CCDC187: variants seen among roughly 807,000 people sequenced by gnomAD.
CCDC187 encodes the protein coiled-coil domain containing 187.
CCDC187 carries 32 observed loss-of-function variants against 38.0 expected under a neutral mutation model. The observed-to-expected ratio is 0.84, with a 90% CI of 0.64 to 1.13. The LOEUF (loss-of-function observed/expected upper bound fraction) is 1.13. Among genes scored for constraint, CCDC187 ranks in the 50% most tolerant of loss-of-function variants. The probability of loss-of-function intolerance (pLI) is 0.00; values close to 1 mark genes in which losing one functional copy is unlikely to be tolerated. For missense variants in CCDC187, 707 were observed against 786.8 expected (o/e 0.90, Z 1.21); for synonymous variants, 333 against 347.9 (o/e 0.96, Z 0.48).
Position 136,267,810 on chromosome 9 carries a change from T to G in CCDC187, c.3519+239A>C, listed in dbSNP as rs988370014. 30 of 974,256 alleles carry G rather than the reference T, an allele frequency of 3.1e-5. No individual in the cohort carries two copies. In the African/African-American group the frequency reaches 4.2e-4, roughly 14 times the overall value. The allele number at this position is 974,256 out of a possible 1,614,324, so 60.4% of individuals were successfully genotyped here. ...TAAAATATACAACCTGGGCGGGGGC[T>G]AACCCTGCCCAAAGCACCATGTTGA... is the stretch of plus-strand genomic sequence containing the variant. On this transcript the variant is annotated intron_variant, in intron 15 of 25. Coordinates refer to ENST00000638797, the MANE Select transcript of CCDC187 (RefSeq NM_001378188.1).
chr9:136,300,825 T>C (rs1161420603), intron 2 of CCDC187, among the ~76,000 whole-genome samples: 1 of 152,218 alleles, frequency 6.6e-6, no homozygotes, highest in Non-Finnish European at 1.5e-5. Flanking sequence ...AGTCTCGAAC[T>C]CCTGACCTCA....
At chr9:136,267,266 G>A in intron 16 of CCDC187, 118 bp downstream of exon 16, 1 of 683,232 alleles carries the variant, frequency 1.5e-6, no homozygotes, top group Non-Finnish European at 1.8e-6. Flanking sequence ...TCAAAACGCT[G>A]TCGGGGCCAC....
Position 136,291,504 on chromosome 9 carries a change from G to A in CCDC187, c.1109C>T (p.Thr370Met), listed in dbSNP as rs945007612. Residue 370 changes from threonine (T) to methionine (M), a missense_variant, in exon 6 of 26, where the codon ACG becomes ATG. By Grantham distance (81) the Thr-to-Met change is moderately conservative. Coordinates refer to ENST00000638797, the MANE Select transcript of CCDC187 (RefSeq NM_001378188.1). ...ASFDQPATIQ[T>M]AMAILQDLRQ... is the part of the protein sequence containing the mutation. ...CAGGTCTTGTAGGATGGCCATGGCC[G>A]TCTGTATGGTCGCTGGCTGGTCGAA... is the stretch of plus-strand genomic sequence containing the variant. 1.0e-3 allele frequency: 406 copies of A among 398,692 alleles called. No individual in the cohort carries two copies. The highest frequency in any genetic ancestry group is 1.0e-3 in the Non-Finnish European group (230 of 226,130). The allele number at this position is 398,692 out of a possible 1,614,324, so 24.7% of individuals were successfully genotyped here.
chr9:136,287,691 C>T (rs1831214177), intron 7 of CCDC187, among the ~76,000 whole-genome samples: 1 of 152,208 alleles, frequency 6.6e-6, no homozygotes, highest in African/African-American at 2.4e-5. Context: ...GAGACCAAAC[C>T]CCTGGTGTTT....
At chr9:136,280,381 C>G (rs1831015002) in intron 10 of CCDC187, among the ~76,000 whole-genome samples, 1 of 152,230 alleles carries the variant, frequency 6.6e-6, no homozygotes. Flanking sequence ...CTCCCACACC[C>G]TGGAGACTGG....
intron 4 of CCDC187, among the ~76,000 whole-genome samples, chr9:136,293,184 CTCACAT>C (rs1831385295): frequency 6.9e-6 from 1 of 145,676 alleles, no homozygotes; most frequent in Non-Finnish European, 1.5e-5. Flanking sequence ...CTCACACACA[CTCACAT>C]GCTCACACAC....
chr9:136,284,113 G>A, intron 9 of CCDC187, among the ~76,000 whole-genome samples: 1 of 152,284 alleles, frequency 6.6e-6, no homozygotes, highest in East Asian at 1.9e-4. Flanking sequence ...AAATGTCCCA[G>A]CAGGAGGAGA....
chr9:136,282,483 G>A (rs1275633535), intron 9 of CCDC187, among the ~76,000 whole-genome samples: 7 of 151,742 alleles, frequency 4.6e-5, no homozygotes, highest in Non-Finnish European at 8.8e-5. Context: ...GCCTGCATCC[G>A]GGGCATGTGG....
intron 23 of CCDC187, 108 bp from the exon 24 acceptor site, chr9:136,256,431 C>T (rs1474509162): frequency 7.5e-6 from 3 of 399,666 alleles, no homozygotes; most frequent in Admixed American, 6.4e-5. Context: ...GGTAAAGGAA[C>T]AAAGACCACT....
chr9:136,287,332 C>G (rs1209274568), intron 7 of CCDC187, among the ~76,000 whole-genome samples: 3 of 152,178 alleles, frequency 2.0e-5, no homozygotes, highest in Non-Finnish European at 2.9e-5. Flanking sequence ...CCGGTCTTAA[C>G]ATGTGAGAAA....
intron 2 of CCDC187, among the ~76,000 whole-genome samples, chr9:136,300,570 C>T (rs1263981333): frequency 6.6e-6 from 1 of 150,564 alleles, no homozygotes; most frequent in Non-Finnish European, 1.5e-5. Context: ...CTGGCCACCA[C>T]GCTTGGCTAA....
intron 2 of CCDC187, among the ~76,000 whole-genome samples, chr9:136,301,579 T>C (rs1831683482): frequency 7.2e-6 from 1 of 138,718 alleles, no homozygotes; most frequent in Non-Finnish European, 1.5e-5. Context: ...ATGTTATGCA[T>C]ACGTTACTTT....
chr9:136,258,756 G>A lies in CCDC187; in HGVS notation c.4366+176C>T, dbSNP rs1243283953. ...GTCACCTCCGGTAGGAGATGGAGCC[G>A]GCCACTCTTCTTGCAGTGAAGGGGT... On this transcript the variant is annotated intron_variant, in intron 22 of 25. Transcript: ENST00000638797. The surrounding 1 kb of genome is among the most constrained non-coding windows in gnomAD (Gnocchi z 4.3). 5.0e-5 allele frequency: 49 copies of A among 985,328 alleles called. No individual in the cohort carries two copies. In the South Asian group the frequency reaches 1.8e-3, roughly 37 times the overall value. 61.0% of individuals were successfully genotyped at this position (985,328 alleles called of 1,614,324 possible). A position where few individuals can be genotyped will look rare whatever the true frequency, so the allele number is the denominator to read the frequency against.
chr9:136,273,103 A>T (rs1646518768), intron 14 of CCDC187, among the ~76,000 whole-genome samples: 1 of 152,222 alleles, frequency 6.6e-6, no homozygotes, highest in South Asian at 2.1e-4. Flanking sequence ...AACTAAGTGG[A>T]AGAAGAAAAT....
chr9:136,299,180 A>G (rs1367123079), intron 3 of CCDC187, among the ~76,000 whole-genome samples: 1 of 152,124 alleles, frequency 6.6e-6, no homozygotes, highest in Non-Finnish European at 1.5e-5. Flanking sequence ...ATCTGGATGG[A>G]CAGGAGTTCC....
intron 9 of CCDC187, 48 bp downstream of exon 9, chr9:136,285,465 G>A (rs1831156266): frequency 6.2e-5 from 2 of 32,002 alleles, no homozygotes; most frequent in African/African-American, 1.5e-4. Flanking sequence ...GTGGGCAGGC[G>A]GGCAGGTGGG....
In CCDC187 at chr9:136,251,177, A is replaced by G. The variant is rs1554759353; in HGVS notation, c.*2417T>C. 1 of 367,542 alleles carries G rather than the reference A, an allele frequency of 2.7e-6. No individual in the cohort carries two copies. The allele number at this position is 367,542 out of a possible 1,614,324, so 22.8% of individuals were successfully genotyped here. On this transcript the variant is annotated 3_prime_UTR_variant, in exon 26 of 26. Coordinates refer to ENST00000638797, the MANE Select transcript of CCDC187 (RefSeq NM_001378188.1). ...CCAACACGCTGCTCATCAACTCCGC[A>G]TTCAAGAAGAGACCCTCAGATTCAA...
Position 136,303,136 on chromosome 9 carries a change from A to G in CCDC187, c.301T>C (p.Ser101Pro), listed in dbSNP as rs2131371877. 9 of 398,564 alleles carry G rather than the reference A, an allele frequency of 2.3e-5. No homozygotes were observed. In the East Asian group the frequency reaches 2.9e-4, roughly 13 times the overall value. 24.7% of individuals were successfully genotyped at this position (398,564 alleles called of 1,614,324 possible). A position where few individuals can be genotyped will look rare whatever the true frequency, so the allele number is the denominator to read the frequency against. ...CCATCCCTAGCCTCCGGGCCTGTGG[A>G]CCACATGGGCAGGCTGCACGCCTTC... ...WGKACSLPMWSTGPEARDGDS... is the reference protein window; with the variant it reads ...WGKACSLPMWPTGPEARDGDS... The change falls in exon 2 of 26, where the codon TCC (serine) becomes CCC (proline). Residue 101 changes from serine to proline, a missense_variant. Transcript: ENST00000638797.
At chr9:136,297,124 C>T (rs1375003753) in intron 4 of CCDC187, among the ~76,000 whole-genome samples, 2 of 152,062 alleles carry the variant, frequency 1.3e-5, no homozygotes, top group Non-Finnish European at 2.9e-5. Flanking sequence ...TGTTACTGCT[C>T]TGAAGAGCCG....
Sources: gnomAD v4.1 joint callset for allele counts (sites outside exome capture counted in the v4.1 genomes callset) on GRCh38, gnomAD v4.1.1 for gene constraint, Gnocchi (gnomAD v3.1) non-coding constraint, MANE v1.5 for transcripts, NCBI Gene and HGNC (gene_info 2026-07-23, HGNC 2026-07-21) for gene names.